Variants in DYNC1H1 observed in about 807,000 individuals in gnomAD.
DYNC1H1 encodes the protein cytoplasmic dynein 1 heavy chain 1.
A neutral mutation model predicts 527.1 loss-of-function variants in DYNC1H1; 51 were observed. The ratio of observed to expected loss-of-function variants is 0.10; its 90% CI spans 0.08 to 0.12. The LOEUF (loss-of-function observed/expected upper bound fraction) is 0.12. Ranked by LOEUF, DYNC1H1 falls within the 10% of genes least tolerant of loss-of-function variation. The pLI is 1.00. For synonymous variants in DYNC1H1, 2,189 were observed against 2,278.8 expected, an observed-to-expected ratio of 0.96 and a Z score of 1.12; for missense variants, 2,771 against 5,971.8, an observed-to-expected ratio of 0.46 and a Z score of 17.66.
Position 102,038,404 on chromosome 14 carries a change from G to A in DYNC1H1, c.10909-56G>A. On this transcript the variant is annotated intron_variant, in intron 57 of 77. Coordinates refer to ENST00000360184, the MANE Select transcript of DYNC1H1 (RefSeq NM_001376.5). The surrounding 1 kb of genome is among the most constrained non-coding windows in gnomAD (Gnocchi z 7.2). Reference sequence around the variant, plus strand: ...GAGTAGGACAGCAACATAGCATTTGGGTGAAGATAAAGTTACAAAGCCCTG... The same window carrying A: ...GAGTAGGACAGCAACATAGCATTTGAGTGAAGATAAAGTTACAAAGCCCTG... 6.2e-7 allele frequency: 1 copy of A among 1,608,422 alleles called. No homozygotes were observed. Among genetic ancestry groups the A allele is most frequent in the Admixed American group, 1.7e-5 (1 of 59,804 alleles).
In DYNC1H1 at chr14:102,039,746, C is replaced by T. The variant is rs762481812; in HGVS notation, c.11690+14C>T. ...GGGCACCGTGGGGTAAGAGCACTCA[C>T]GCCCACAGGAGGATGCCATATTGCT... On this transcript the variant is annotated intron_variant, in intron 62 of 77. Coordinates refer to ENST00000360184, the MANE Select transcript of DYNC1H1 (RefSeq NM_001376.5). The surrounding 1 kb of genome is among the most constrained non-coding windows in gnomAD (Gnocchi z 7.0). 15 of 1,613,962 alleles carry T rather than the reference C, an allele frequency of 9.3e-6. 1 individual carries two copies. Among genetic ancestry groups the T allele is most frequent in the African/African-American group, 5.3e-5 (4 of 74,926 alleles).
At chr14:101,984,279 C>T (rs898105101) in intron 7 of DYNC1H1, among the ~76,000 whole-genome samples, 1 of 151,614 alleles carries the variant, frequency 6.6e-6, no homozygotes, top group African/African-American at 2.4e-5. Context: ...CATGAGCCAC[C>T]GCGCCCTGCC....
intron 73 of DYNC1H1, 109 bp from the exon 74 acceptor site, chr14:102,048,407 G>T: frequency 2.1e-6 from 3 of 1,457,996 alleles, no homozygotes; most frequent in South Asian, 2.4e-5. Context: ...ACCCTGGACA[G>T]TTCGGAAGCT....
In DYNC1H1 at chr14:102,016,113, A is replaced by C. The variant is rs1443390153; in HGVS notation, c.7473+27A>C. On this transcript the variant is annotated intron_variant, in intron 36 of 77. Coordinates refer to ENST00000360184, the MANE Select transcript of DYNC1H1 (RefSeq NM_001376.5). The surrounding 1 kb of genome is among the most constrained non-coding windows in gnomAD (Gnocchi z 7.3). Reference sequence around the variant, plus strand: ...TCAGGGGGCATCAGGGGCTTCACAGAGCTCACCACTGCGCCAGACCACAGG... The same window carrying C: ...TCAGGGGGCATCAGGGGCTTCACAGCGCTCACCACTGCGCCAGACCACAGG... The C allele has an allele frequency of 1.9e-6, 3 of 1,581,496 alleles. No individual in the cohort carries two copies. Among genetic ancestry groups the C allele is most frequent in the African/African-American group, 1.4e-5 (1 of 73,882 alleles).
chr14:101,994,959 ATGTGT>A (rs1283348901), intron 13 of DYNC1H1, 22 bp from the exon 14 acceptor site: 1 of 1,613,272 alleles, frequency 6.2e-7, no homozygotes, highest in Admixed American at 1.7e-5. Context: ...AGAGCTGATG[ATGTGT>A]TGTGTGCTAT....
At chr14:101,981,998 C>A (rs142126205) in intron 5 of DYNC1H1, among the ~76,000 whole-genome samples, 1 of 152,244 alleles carries the variant, frequency 6.6e-6, no homozygotes, top group Non-Finnish European at 1.5e-5. Context: ...CAGACTGGTA[C>A]TGGTCCGCGG....
Position 102,005,861 on chromosome 14 carries a change from A to G in DYNC1H1, c.5434-27A>G. On this transcript the variant is annotated intron_variant, in intron 26 of 77. Coordinates refer to ENST00000360184, the MANE Select transcript of DYNC1H1 (RefSeq NM_001376.5). The surrounding 1 kb of genome is among the most constrained non-coding windows in gnomAD (Gnocchi z 4.0). ...CACTGTATTGCTTTAGTGTAGATGA[A>G]CTTTTAAAGTGACTCTCTTTCTTCA... 6.2e-7 allele frequency: 1 copy of G among 1,613,706 alleles called. No homozygotes were observed. Among genetic ancestry groups the G allele is most frequent in the East Asian group, 2.2e-5 (1 of 44,858 alleles).
In DYNC1H1 at chr14:102,011,054, G is replaced by C; in HGVS notation, c.6618+102G>C. 2.4e-6 allele frequency: 3 copies of C among 1,239,678 alleles called. No individual in the cohort carries two copies. The highest frequency in any genetic ancestry group is 3.6e-6 in the Non-Finnish European group (3 of 843,754). The allele number at this position is 1,239,678 out of a possible 1,614,324, so 76.8% of individuals were successfully genotyped here. A position where few individuals can be genotyped will look rare whatever the true frequency, so the allele number is the denominator to read the frequency against. Reference sequence around the variant, plus strand: ...CCCTTCGATGAAACTGTCCACAAAGGCTGTGGAGGTGCATAATATGCTTTA... The same window carrying C: ...CCCTTCGATGAAACTGTCCACAAAGCCTGTGGAGGTGCATAATATGCTTTA... On this transcript the variant is annotated intron_variant, in intron 32 of 77. Coordinates refer to ENST00000360184, the MANE Select transcript of DYNC1H1 (RefSeq NM_001376.5). This position sits in a 1 kb window ranked among gnomAD's most constrained non-coding sequence, Gnocchi z 5.3.
rs913053157 is a variant in DYNC1H1, at chr14:102,015,753, A to G, written c.7243-103A>G. 20 of 1,269,920 alleles carry G rather than the reference A, an allele frequency of 1.6e-5. No homozygotes were observed. Among genetic ancestry groups the G allele is most frequent in the Non-Finnish European group, 2.2e-5 (20 of 897,740 alleles). The allele number at this position is 1,269,920 out of a possible 1,614,324, so 78.7% of individuals were successfully genotyped here. On this transcript the variant is annotated intron_variant, in intron 35 of 77. Transcript: ENST00000360184. This position sits in a 1 kb window ranked among gnomAD's most constrained non-coding sequence, Gnocchi z 6.9. ...GGTCATTGAAGCTTCATCCAAAATGAGTTTTCCAAGGTCGTATGACCTTCT... is the reference window on the plus strand; with the variant it reads ...GGTCATTGAAGCTTCATCCAAAATGGGTTTTCCAAGGTCGTATGACCTTCT...
In DYNC1H1 at chr14:102,038,832, T is replaced by C; in HGVS notation, c.11190T>C (p.Asp3730=). The C allele has an allele frequency of 6.2e-7, 1 of 1,614,196 alleles. No homozygotes were observed. The highest frequency in any genetic ancestry group is 2.2e-5 in the East Asian group (1 of 44,878). Reference sequence around the variant, plus strand: ...CTGATGTGGACGAGAAACGATCTGATCTTCTTAAACTTCAAGGTAGGATCT... The same window carrying C: ...CTGATGTGGACGAGAAACGATCTGACCTTCTTAAACTTCAAGGTAGGATCT... ...ERPDVDEKRS[D]LLKLQGEFQL... The change falls in exon 59 of 78, where the codon GAT becomes GAC. Residue 3730 remains aspartate (D), a synonymous_variant. Coordinates refer to ENST00000360184, the MANE Select transcript of DYNC1H1 (RefSeq NM_001376.5). This position sits in a 1 kb window ranked among gnomAD's most constrained non-coding sequence, Gnocchi z 7.2.
chr14:101,994,127 CTT>C (rs765505599), intron 11 of DYNC1H1, 55 bp from the exon 12 acceptor site: 55 of 1,613,206 alleles, frequency 3.4e-5, no homozygotes, highest in Non-Finnish European at 4.7e-5. Context: ...AAAGGTGACA[CTT>C]AGATTACCAT....
chr14:101,973,014 C>G (rs965570418), intron 1 of DYNC1H1, among the ~76,000 whole-genome samples: 14 of 151,910 alleles, frequency 9.2e-5, no homozygotes, highest in Admixed American at 5.2e-4. Flanking sequence ...TGTGGTCTAG[C>G]TACATTTGAG....
rs1287155113 is a variant in DYNC1H1, at chr14:102,038,955, C to T, written c.11207-46C>T. ...TGTGGCAAACACTTCTGAGAGCATA[C>T]CTTTTGAAGGATTATTGCAAACTCT... On this transcript the variant is annotated intron_variant, in intron 59 of 77. Coordinates refer to ENST00000360184, the MANE Select transcript of DYNC1H1 (RefSeq NM_001376.5). The surrounding 1 kb of genome is among the most constrained non-coding windows in gnomAD (Gnocchi z 7.2). 1 of 1,613,874 alleles carries T rather than the reference C, an allele frequency of 6.2e-7. No individual in the cohort carries two copies. The highest frequency in any genetic ancestry group is 1.7e-5 in the Admixed American group (1 of 59,998).
chr14:102,040,527 C>G, intron 63 of DYNC1H1, 71 bp from the exon 64 acceptor site: 1 of 1,612,142 alleles, frequency 6.2e-7, no homozygotes, highest in Non-Finnish European at 8.5e-7. Context: ...GCGTCAGACT[C>G]TCGCTCAGTC....
Position 102,004,507 on chromosome 14 carries a change from T to G in DYNC1H1, c.4884-11T>G. 6.2e-7 allele frequency: 1 copy of G among 1,607,790 alleles called. No individual in the cohort carries two copies. The highest frequency in any genetic ancestry group is 8.5e-7 in the Non-Finnish European group (1 of 1,176,120). ...AATATTTTTGCAACTTGAGTGTTAT[T>G]TTAATTTTAGGTTCTATTTTGTGGG... On this transcript the variant is annotated splice_polypyrimidine_tract_variant and intron_variant, in intron 23 of 77. Coordinates refer to ENST00000360184, the MANE Select transcript of DYNC1H1 (RefSeq NM_001376.5).
chr14:102,039,443 T>A lies in DYNC1H1; in HGVS notation c.11492T>A (p.Phe3831Tyr), dbSNP rs1425329166. 1 of 1,614,174 alleles carries A rather than the reference T, an allele frequency of 6.2e-7. No homozygotes were observed. ...IHFLYQYSLQ[F>Y]FLDIYHNVLY... is the part of the protein sequence containing the mutation. The stretch of plus-strand genomic sequence containing the variant: ...TTCTTGTACCAGTACTCCCTCCAGT[T>A]TTTCCTGGACATTTATCACAACGTC... The change falls in exon 61 of 78, where the codon TTT (phenylalanine) becomes TAT (tyrosine). Residue 3831 changes from phenylalanine (F) to tyrosine (Y), a missense_variant. By Grantham distance (22) the Phe-to-Tyr change is conservative (BLOSUM62 3). Around this residue, in one of 32 missense-constraint regions of DYNC1H1, gnomAD observed 283 missense variants for 737.6 expected, o/e 0.38. Coordinates refer to ENST00000360184, the MANE Select transcript of DYNC1H1 (RefSeq NM_001376.5). The surrounding 1 kb of genome is among the most constrained non-coding windows in gnomAD (Gnocchi z 7.0).
chr14:102,027,434 T>G lies in DYNC1H1; in HGVS notation c.8938T>G (p.Leu2980Val). The G allele has an allele frequency of 6.2e-7, 1 of 1,614,140 alleles. No homozygotes were observed. The highest frequency in any genetic ancestry group is 8.5e-7 in the Non-Finnish European group (1 of 1,180,026). Residue 2980 changes from leucine to valine, a missense_variant, in exon 46 of 78, where the codon TTG (leucine) becomes GTG (valine). This residue lies in a region of DYNC1H1 where 84 missense variants were observed against 285.4 expected (regional missense o/e 0.29). Coordinates refer to ENST00000360184, the MANE Select transcript of DYNC1H1 (RefSeq NM_001376.5). This position sits in a 1 kb window ranked among gnomAD's most constrained non-coding sequence, Gnocchi z 7.7. ...CTTTGATGAAGATCTACGGACAGTG[T>G]TGAGACGTTCTGGCTGTAAAAATGA... is the stretch of plus-strand genomic sequence containing the variant. ...EDFDEDLRTV[L>V]RRSGCKNEKI...
chr14:102,012,487 A>C lies in DYNC1H1; in HGVS notation c.7014+17A>C. ...CCACCCAATGTAAGTAGCCTTTTGT[A>C]TGTCGTCAACTGAATAATTCCTTTT... is the stretch of plus-strand genomic sequence containing the variant. On this transcript the variant is annotated intron_variant, in intron 34 of 77. Transcript: ENST00000360184. This position sits in a 1 kb window ranked among gnomAD's most constrained non-coding sequence, Gnocchi z 4.9. The C allele has an allele frequency of 1.9e-6, 3 of 1,614,182 alleles. No individual in the cohort carries two copies. The highest frequency in any genetic ancestry group is 2.5e-6 in the Non-Finnish European group (3 of 1,180,042).
Position 102,036,724 on chromosome 14 carries a change from T to C in DYNC1H1, c.10908+82T>C, listed in dbSNP as rs937427943. ...GGGGGCTGCCTTTAGTTTTCAACTT[T>C]GTAAGACTTCATTTTGTATCAGAAG... On this transcript the variant is annotated intron_variant, in intron 57 of 77. Coordinates refer to ENST00000360184, the MANE Select transcript of DYNC1H1 (RefSeq NM_001376.5). This position sits in a 1 kb window ranked among gnomAD's most constrained non-coding sequence, Gnocchi z 5.6. The C allele has an allele frequency of 1.3e-6, 2 of 1,538,240 alleles. No homozygotes were observed. The highest frequency in any genetic ancestry group is 1.7e-5 in the Admixed American group (1 of 59,824).
Sources: allele counts gnomAD v4.1 joint callset (sites outside exome capture counted in the v4.1 genomes callset), GRCh38; gene constraint gnomAD v4.1.1; regional missense constraint gnomAD v4.1.1; non-coding constraint Gnocchi (gnomAD v3.1); transcripts MANE v1.5; gene names NCBI Gene and HGNC (gene_info 2026-07-23, HGNC 2026-07-21).